The following HTT variants were observed in gnomAD, a reference collection of about 807,000 sequenced individuals.
The protein encoded by HTT is huntingtin.
Under a neutral mutation model 362.3 loss-of-function variants are expected in HTT, and 104 were observed. The observed-to-expected ratio is 0.29, with a 90% CI of 0.24 to 0.34. The LOEUF is 0.34. Among genes scored for constraint, HTT ranks in the 10% least tolerant of loss-of-function variants. The pLI, the probability that HTT is intolerant of heterozygous loss-of-function variation, is 1.00. For missense variants in HTT, 3,301 were observed against 3,928.6 expected, an observed-to-expected ratio of 0.84 and a Z score of 4.27; for synonymous variants, 1,577 against 1,548.7, an observed-to-expected ratio of 1.02 and a Z score of -0.43.
intron 33 of HTT, among the ~76,000 whole-genome samples, chr4:3,177,013 G>C (rs1458774026): frequency 1.3e-5 from 2 of 152,222 alleles, no homozygotes; most frequent in African/African-American, 4.8e-5. Flanking sequence ...CAGGGAATCT[G>C]TGCCACCCTA....
At chr4:3,102,337 G>C (rs1372957362) in intron 3 of HTT, among the ~76,000 whole-genome samples, 1 of 152,222 alleles carries the variant, frequency 6.6e-6, no homozygotes, top group Non-Finnish European at 1.5e-5. Context: ...AGGAGGGGCT[G>C]AGTTTTAGTT....
chr4:3,208,558 A>G (rs1719979254), intron 45 of HTT, among the ~76,000 whole-genome samples: 1 of 152,244 alleles, frequency 6.6e-6, no homozygotes. Flanking sequence ...AAAGTAAACT[A>G]GGGCCTGCAT....
intron 53 of HTT, among the ~76,000 whole-genome samples, chr4:3,221,484 A>G (rs1218702563): frequency 2.0e-5 from 3 of 151,592 alleles, no homozygotes; most frequent in African/African-American, 7.3e-5. Flanking sequence ...TTCTTTGTTC[A>G]TTTTTTTCCC....
chr4:3,140,200 G>A (rs1364407198), intron 21 of HTT, among the ~76,000 whole-genome samples: 1 of 151,232 alleles, frequency 6.6e-6, no homozygotes, highest in Non-Finnish European at 1.5e-5. Flanking sequence ...GGCAGAGGTT[G>A]CAGTGAGCCA....
At chr4:3,192,278 G>C (rs1252412065) in intron 40 of HTT, among the ~76,000 whole-genome samples, 1 of 152,110 alleles carries the variant, frequency 6.6e-6, no homozygotes, top group African/African-American at 2.4e-5. Flanking sequence ...AAGTCTTGCT[G>C]TGTTGCCCAG....
intron 1 of HTT, among the ~76,000 whole-genome samples, chr4:3,082,583 C>T (rs974215398): frequency 6.6e-6 from 1 of 152,166 alleles, no homozygotes; most frequent in Non-Finnish European, 1.5e-5. Flanking sequence ...ACTCTCTCTG[C>T]TTGACCTGAC....
At chr4:3,195,141 C>G (rs1229415814) in intron 40 of HTT, among the ~76,000 whole-genome samples, 2 of 152,126 alleles carry the variant, frequency 1.3e-5, no homozygotes, top group East Asian at 1.9e-4. Flanking sequence ...ACCATGGGCC[C>G]CAGTCACTGT....
At chr4:3,169,457 TTA>T (rs1717869375) in intron 29 of HTT, among the ~76,000 whole-genome samples, 1 of 152,226 alleles carries the variant, frequency 6.6e-6, no homozygotes, top group Non-Finnish European at 1.5e-5. Context: ...TTTGATTGTT[TTA>T]TGTGTTTTCT....
intron 27 of HTT, among the ~76,000 whole-genome samples, chr4:3,155,940 G>A (rs1276939759): frequency 6.6e-6 from 1 of 151,598 alleles, no homozygotes; most frequent in Non-Finnish European, 1.5e-5. Flanking sequence ...ATTGTGGAAT[G>A]GCTAATTAAC....
At chr4:3,080,594 T>C (rs1712841446) in intron 1 of HTT, among the ~76,000 whole-genome samples, 1 of 152,226 alleles carries the variant, frequency 6.6e-6, no homozygotes, top group Non-Finnish European at 1.5e-5. Flanking sequence ...GTGTAAAAGT[T>C]TTTAATTTTG....
chr4:3,077,569 A>G (rs1278379188), intron 1 of HTT, among the ~76,000 whole-genome samples: 2 of 152,004 alleles, frequency 1.3e-5, no homozygotes, highest in East Asian at 1.9e-4. Context: ...ACAGGCGCCC[A>G]CCACCATGTC....
intron 24 of HTT, among the ~76,000 whole-genome samples, chr4:3,146,218 T>G (rs1014887612): frequency 3.3e-5 from 5 of 152,240 alleles, no homozygotes; most frequent in African/African-American, 4.8e-5. Context: ...CTTGGTAGTT[T>G]GACTTACACT....
intron 51 of HTT, among the ~76,000 whole-genome samples, chr4:3,215,658 A>G (rs1720363021): frequency 2.0e-5 from 3 of 152,148 alleles, no homozygotes; most frequent in Admixed American, 2.0e-4. Flanking sequence ...CCTCAGTGTC[A>G]GGTTCAGCCA....
In HTT at chr4:3,206,717, C is replaced by T. The variant is rs780198453; in HGVS notation, c.5898+42C>T. The T allele has an allele frequency of 1.3e-6, 2 of 1,595,002 alleles. No individual in the cohort carries two copies. Among genetic ancestry groups the T allele is most frequent in the Non-Finnish European group, 8.6e-7 (1 of 1,166,436 alleles). ...CCGACTATTGCCAGTTGCAGTTTTC[C>T]CTGCCTTAAAAATGGAGTATTGAAA... On this transcript the variant is annotated intron_variant, in intron 43 of 66. Transcript: ENST00000355072. The surrounding 1 kb of genome is among the most constrained non-coding windows in gnomAD (Gnocchi z 4.6).
intron 1 of HTT, among the ~76,000 whole-genome samples, chr4:3,075,647 C>CGGGGGGGGGGGGGGGGGGGGGGG (rs1560535774): frequency 1.6e-5 from 1 of 61,682 alleles, no homozygotes; most frequent in Non-Finnish European, 2.9e-5. Flanking sequence ...AGTGGCGGGG[C>CGGGGGGGGGGGGGGGGGGGGGGG]AGGGGGGGGG....
chr4:3,093,806 C>T (rs995471701), intron 2 of HTT, among the ~76,000 whole-genome samples: 16 of 145,274 alleles, frequency 1.1e-4, no homozygotes, highest in South Asian at 2.2e-4. Flanking sequence ...GGAAGAGGCA[C>T]GGAGCAGTTC....
At chr4:3,187,284 T>C (rs532157748) in intron 38 of HTT, among the ~76,000 whole-genome samples, 60 of 152,016 alleles carry the variant, frequency 3.9e-4, no homozygotes, top group Middle Eastern at 6.8e-3. Context: ...GCCTCCCGAG[T>C]AGCTGGGACT....
Position 3,147,986 on chromosome 4 carries a change from G to T in HTT, c.3296-19G>T. ...CATGCTATTGGGGTGGAGAGGTAAT[G>T]TCTGTGCCCATATCACAGCCAGTGC... On this transcript the variant is annotated intron_variant, in intron 25 of 66. Coordinates refer to ENST00000355072, the MANE Select transcript of HTT (RefSeq NM_001388492.1). 6.2e-7 allele frequency: 1 copy of T among 1,600,036 alleles called. No homozygotes were observed. Among genetic ancestry groups the T allele is most frequent in the Non-Finnish European group, 8.5e-7 (1 of 1,170,946 alleles).
intron 8 of HTT, among the ~76,000 whole-genome samples, chr4:3,120,002 A>C (rs1482167167): frequency 6.6e-6 from 1 of 152,190 alleles, no homozygotes; most frequent in Non-Finnish European, 1.5e-5. Context: ...TGTTCCGGTG[A>C]AACTTTAGGT....
Sources: gnomAD v4.1 joint callset for allele counts (sites outside exome capture counted in the v4.1 genomes callset) on GRCh38, gnomAD v4.1.1 for gene constraint, Gnocchi (gnomAD v3.1) non-coding constraint, MANE v1.5 for transcripts, NCBI Gene and HGNC (gene_info 2026-07-23, HGNC 2026-07-21) for gene names.